The following FARS2 variants were observed in gnomAD, a reference collection of about 807,000 sequenced individuals.
FARS2 encodes phenylalanine--tRNA ligase, mitochondrial.
FARS2 carries 40 observed loss-of-function variants against 46.4 expected under a neutral mutation model. The ratio of observed to expected loss-of-function variants is 0.86; its 90% CI spans 0.67 to 1.12. The LOEUF (loss-of-function observed/expected upper bound fraction) is 1.12, where lower values mean the gene tolerates loss of function less well. FARS2 is among the 50% of genes most tolerant of loss of function. FARS2 has a pLI of 0.00. For missense variants in FARS2, 513 were observed against 567.9 expected (o/e 0.90, Z 0.98); for synonymous variants, 234 against 214.9 (o/e 1.09, Z -0.78).
chr6:5,266,813 A>G (rs1157856870), intron 1 of FARS2, among the ~76,000 whole-genome samples: 2 of 152,180 alleles, frequency 1.3e-5, no homozygotes, highest in Non-Finnish European at 2.9e-5. Context: ...ATTTTATACT[A>G]GCTTTTTAGT....
At chr6:5,761,427 A>G (rs754425548) in intron 6 of FARS2, among the ~76,000 whole-genome samples, 3 of 152,228 alleles carry the variant, frequency 2.0e-5, no homozygotes, top group Non-Finnish European at 1.5e-5. Flanking sequence ...GTCTCCTGCA[A>G]TGTCCACCTC....
At chr6:5,369,743 G>A (rs1357932962) in intron 2 of FARS2, among the ~76,000 whole-genome samples, 2 of 152,068 alleles carry the variant, frequency 1.3e-5, no homozygotes, top group Non-Finnish European at 2.9e-5. Context: ...TGTCTTAATT[G>A]CTGCTATTCT....
intron 3 of FARS2, among the ~76,000 whole-genome samples, chr6:5,413,722 T>C (rs993026943): frequency 6.6e-6 from 1 of 152,192 alleles, no homozygotes; most frequent in Non-Finnish European, 1.5e-5. Context: ...CCAAATCTCT[T>C]TATGCTTCCC....
intron 1 of FARS2, among the ~76,000 whole-genome samples, chr6:5,310,794 C>CA (rs1769032292): frequency 6.6e-6 from 1 of 152,086 alleles, no homozygotes; most frequent in African/African-American, 2.4e-5. Flanking sequence ...CCCTTTTTAA[C>CA]AAAAAATCTA....
At chr6:5,456,775 GGATTGAAAA>G (rs1431617379) in intron 4 of FARS2, among the ~76,000 whole-genome samples, 1 of 149,206 alleles carries the variant, frequency 6.7e-6, no homozygotes, top group Admixed American at 6.7e-5. Context: ...TTAGCAGGCA[GGATTGAAAA>G]GATTGGAAAG....
At chr6:5,344,847 G>C (rs945678044) in intron 1 of FARS2, among the ~76,000 whole-genome samples, 1 of 150,750 alleles carries the variant, frequency 6.6e-6, no homozygotes, top group African/African-American at 2.4e-5. Flanking sequence ...GGAGTGCAGT[G>C]GTGTGGTTTC....
intron 5 of FARS2, among the ~76,000 whole-genome samples, chr6:5,551,332 G>A (rs1283625913): frequency 6.6e-6 from 1 of 152,108 alleles, no homozygotes; most frequent in Non-Finnish European, 1.5e-5. Flanking sequence ...GCTACCACCA[G>A]TATGTTTATG....
At chr6:5,345,603 G>C (rs1757179967) in intron 1 of FARS2, among the ~76,000 whole-genome samples, 1 of 152,238 alleles carries the variant, frequency 6.6e-6, no homozygotes, top group South Asian at 2.1e-4. Flanking sequence ...TGAGTGGTAA[G>C]AGATTTAGAG....
At chr6:5,757,123 T>A (rs1762247229) in intron 6 of FARS2, among the ~76,000 whole-genome samples, 1 of 152,216 alleles carries the variant, frequency 6.6e-6, no homozygotes, top group Non-Finnish European at 1.5e-5. Context: ...TTGAGAAAGT[T>A]GATTATGTTT....
chr6:5,398,188 A>G (rs1473261966), intron 2 of FARS2, among the ~76,000 whole-genome samples: 1 of 151,996 alleles, frequency 6.6e-6, no homozygotes, highest in Non-Finnish European at 1.5e-5. Context: ...TGCCCTATTA[A>G]CTTTGGATTC....
intron 4 of FARS2, among the ~76,000 whole-genome samples, chr6:5,435,717 A>T (rs1202452016): frequency 1.3e-5 from 2 of 152,192 alleles, no homozygotes; most frequent in African/African-American, 4.8e-5. Flanking sequence ...CCGCGTCCAA[A>T]ACCATCACTG....
intron 6 of FARS2, among the ~76,000 whole-genome samples, chr6:5,757,611 T>C (rs980443131): frequency 2.6e-5 from 4 of 152,262 alleles, no homozygotes; most frequent in Non-Finnish European, 5.9e-5. Flanking sequence ...AGCTGAGACG[T>C]TGACCGCAAA....
chr6:5,752,595 A>T (rs1284611745), intron 6 of FARS2, among the ~76,000 whole-genome samples: 1 of 152,246 alleles, frequency 6.6e-6, no homozygotes, highest in Non-Finnish European at 1.5e-5. Context: ...AGAGTGGAAC[A>T]GAACAGACGG....
chr6:5,473,548 A>AAAC (rs1765933607), intron 4 of FARS2, among the ~76,000 whole-genome samples: 4 of 135,952 alleles, frequency 2.9e-5, no homozygotes, highest in African/African-American at 6.7e-5. Flanking sequence ...AAAAAAACAA[A>AAAC]AAAAAAAAAC....
chr6:5,699,897 G>T (rs1758316235), intron 6 of FARS2, among the ~76,000 whole-genome samples: 1 of 151,968 alleles, frequency 6.6e-6, no homozygotes, highest in Non-Finnish European at 1.5e-5. Context: ...GACTATCATG[G>T]GTGAGAATTT....
At position 5,359,029 on chromosome 6, in the gene FARS2, C is replaced by CTTTTTTTTTTTTTTTTTTTTTTT. The variant is rs764897456; in HGVS notation, c.-21-9521_-21-9520insTTTTTTTTTTTTTTTTTTTTTTT. On this transcript the variant is annotated intron_variant, in intron 1 of 6. Transcript: ENST00000274680. ...TCGAATTATAGTGATGAAAAGATAC[C>CTTTTTTTTTTTTTTTTTTTTTTT]CTTTTTTTTTTTTTTTTTTTTTTTT... Among the ~76,000 whole-genome samples, 26 of 72,516 alleles carry CTTTTTTTTTTTTTTTTTTTTTTT rather than the reference C, an allele frequency of 3.6e-4. 13 individuals carry two copies. The highest frequency in any genetic ancestry group is 3.9e-4 in the Admixed American group (2 of 5,186). The allele number at this position is 72,516 out of a possible 152,430, so 47.6% of individuals were successfully genotyped here.
At chr6:5,395,583 A>G (rs1760853800) in intron 2 of FARS2, among the ~76,000 whole-genome samples, 1 of 152,174 alleles carries the variant, frequency 6.6e-6, no homozygotes, top group Non-Finnish European at 1.5e-5. Context: ...TTACTAGTGA[A>G]ATATTCCCCT....
chr6:5,693,936 T>C (rs957404432), intron 6 of FARS2, among the ~76,000 whole-genome samples: 28 of 152,224 alleles, frequency 1.8e-4, no homozygotes. Context: ...AGAAGTCACA[T>C]AGCATCATTT....
At chr6:5,524,655 A>G (rs371870444) in intron 4 of FARS2, among the ~76,000 whole-genome samples, 1 of 152,258 alleles carries the variant, frequency 6.6e-6, no homozygotes, top group African/African-American at 2.4e-5. Context: ...TTTAGGCCTT[A>G]CAGTAGCTCT....
Sources: allele counts gnomAD v4.1 joint callset (sites outside exome capture counted in the v4.1 genomes callset), GRCh38; gene constraint gnomAD v4.1.1; transcripts MANE v1.5; gene names NCBI Gene and HGNC (gene_info 2026-07-23, HGNC 2026-07-21).